CDH22: variants seen among roughly 807,000 people sequenced by gnomAD.
CDH22 encodes the protein cadherin 22, also known as cadherin-22.
A neutral mutation model predicts 58.4 loss-of-function variants in CDH22; 30 were observed. The observed-to-expected ratio is 0.51, with a 90% CI of 0.38 to 0.70. CDH22 has a LOEUF of 0.70. Ranked by LOEUF, CDH22 falls within the 30% of genes least tolerant of loss-of-function variation. CDH22 has a pLI of 0.00. For missense variants in CDH22, 1,014 were observed against 1,233.9 expected (o/e 0.82, Z 2.67); for synonymous variants, 513 against 558.2 (o/e 0.92, Z 1.14).
At chr20:46,255,065 A>C (rs1016326372) in intron 1 of CDH22, among the ~76,000 whole-genome samples, 1 of 152,192 alleles carries the variant, frequency 6.6e-6, no homozygotes, top group Non-Finnish European at 1.5e-5. Context: ...TCTGTCACCC[A>C]GGCTGGAGTG....
In CDH22 at chr20:46,301,520, T is replaced by C. The variant is rs532531010; in HGVS notation, c.-400+6735A>G. Among the ~76,000 whole-genome samples, 3 of 151,650 alleles carry C rather than the reference T, an allele frequency of 2.0e-5. No individual in the cohort carries two copies. The South Asian group carries it at 6.2e-4, about 32-fold the overall frequency. The stretch of plus-strand genomic sequence containing the variant: ...TATTAAAAAAATATATATATATATG[T>C]ATATATATGGCTGGGTGCGGTGGCT... On this transcript the variant is annotated intron_variant, in intron 1 of 11. Coordinates refer to ENST00000537909, the MANE Select transcript of CDH22 (RefSeq NM_021248.3).
At chr20:46,250,946 A>C (rs866220523) in intron 2 of CDH22, 94 bp downstream of exon 2, 1 of 781,274 alleles carries the variant, frequency 1.3e-6, no homozygotes, top group Non-Finnish European at 2.2e-6. Context: ...TGAAACATGG[A>C]TTTAAAAGGG....
intron 3 of CDH22, among the ~76,000 whole-genome samples, chr20:46,237,010 T>C (rs2086258239): frequency 6.6e-6 from 1 of 152,206 alleles, no homozygotes; most frequent in Non-Finnish European, 1.5e-5. Context: ...TATTTTTAAT[T>C]ATTTATTTGG....
chr20:46,212,952 C>A (rs924279959), intron 6 of CDH22, 43 bp downstream of exon 6: 4 of 1,558,164 alleles, frequency 2.6e-6, no homozygotes, highest in Non-Finnish European at 3.5e-6. Context: ...GATCCTCCCA[C>A]CCCTGAGGCC....
chr20:46,273,758 G>A (rs1273585382), intron 1 of CDH22, among the ~76,000 whole-genome samples: 1 of 152,336 alleles, frequency 6.6e-6, no homozygotes, highest in Admixed American at 6.5e-5. Context: ...TGAGCCACCG[G>A]GTTGTGAAAG....
intron 11 of CDH22, among the ~76,000 whole-genome samples, chr20:46,176,906 T>A (rs1286314480): frequency 6.6e-6 from 1 of 152,232 alleles, no homozygotes; most frequent in East Asian, 1.9e-4. Context: ...TTTAGAGCAC[T>A]GATGTGCACT....
intron 1 of CDH22, among the ~76,000 whole-genome samples, chr20:46,276,105 C>G (rs1024508055): frequency 6.6e-6 from 1 of 152,260 alleles, no homozygotes; most frequent in South Asian, 2.1e-4. Context: ...GAGGTGGTTG[C>G]TGGTGCCAGG....
Position 46,263,918 on chromosome 20 carries a change from G to A in CDH22, c.-399-12225C>T, listed in dbSNP as rs552981229. 9.8e-5 allele frequency among the ~76,000 whole-genome samples: 15 copies of A among 152,310 alleles called. No individual in the cohort carries two copies. In the South Asian group the frequency reaches 2.7e-3, roughly 27 times the overall value. ...GGCTGGAACTGGGGACCCGTGAGAA[G>A]GTGGTGGCAGCATCTGAGGAAGAGG... On this transcript the variant is annotated intron_variant, in intron 1 of 11. Transcript: ENST00000537909.
intron 1 of CDH22, among the ~76,000 whole-genome samples, chr20:46,304,538 A>C (rs2086666108): frequency 6.6e-6 from 1 of 152,238 alleles, no homozygotes; most frequent in South Asian, 2.1e-4. Context: ...TATGCACAGG[A>C]AAGAGCTGGT....
intron 1 of CDH22, among the ~76,000 whole-genome samples, chr20:46,299,217 C>T (rs949563931): frequency 2.0e-5 from 3 of 152,178 alleles, no homozygotes; most frequent in African/African-American, 4.8e-5. Flanking sequence ...CAGCTGACAC[C>T]GAAGCCTTTG....
chr20:46,260,993 A>T (rs531349142), intron 1 of CDH22, among the ~76,000 whole-genome samples: 1 of 152,164 alleles, frequency 6.6e-6, no homozygotes, highest in South Asian at 2.1e-4. Context: ...TCCTCCCCCA[A>T]ATTCCTGATA....
rs750654512 is a variant in CDH22, at chr20:46,216,949, C to G, written c.715G>C (p.Glu239Gln). Residue 239 changes from glutamate (E) to glutamine (Q), a missense_variant, in exon 5 of 12, where the codon GAG becomes CAG. Glu to Gln is a conservative substitution (Grantham distance 29). Coordinates refer to ENST00000537909, the MANE Select transcript of CDH22 (RefSeq NM_021248.3). The surrounding 1 kb of genome is among the most constrained non-coding windows in gnomAD (Gnocchi z 5.3). ...AVPDLDRESQERYEVVIQATD... is the reference protein window; with the variant it reads ...AVPDLDRESQQRYEVVIQATD... Reference sequence around the variant, plus strand: ...GCCTGGATCACCACCTCGTAGCGCTCCTGGCTCTCGCGGTCAAGGTCAGGC... The same window carrying G: ...GCCTGGATCACCACCTCGTAGCGCTGCTGGCTCTCGCGGTCAAGGTCAGGC... 6.2e-7 allele frequency: 1 copy of G among 1,606,128 alleles called. No homozygotes were observed. Among genetic ancestry groups the G allele is most frequent in the Non-Finnish European group, 8.5e-7 (1 of 1,173,762 alleles).
Position 46,300,217 on chromosome 20 carries a change from G to T in CDH22, c.-400+8038C>A, listed in dbSNP as rs185819731. Among the ~76,000 whole-genome samples, 9 of 152,180 alleles carry T rather than the reference G, an allele frequency of 5.9e-5. No homozygotes were observed. The East Asian group carries it at 1.7e-3, about 29-fold the overall frequency. On this transcript the variant is annotated intron_variant, in intron 1 of 11. Transcript: ENST00000537909. This position sits in a 1 kb window ranked among gnomAD's most constrained non-coding sequence, Gnocchi z 4.4. ...AAGACGCAGGCCTTGGCAACCTCCT[G>T]GCCTGGGGGGTGGGCTGCCTCTCCC...
chr20:46,192,324 C>G (rs1005800518), intron 8 of CDH22, among the ~76,000 whole-genome samples: 1 of 152,162 alleles, frequency 6.6e-6, no homozygotes, highest in African/African-American at 2.4e-5. Context: ...GGGGGAGAAA[C>G]TGAGACCTTC....
At chr20:46,273,745 A>C (rs2086503876) in intron 1 of CDH22, among the ~76,000 whole-genome samples, 1 of 152,246 alleles carries the variant, frequency 6.6e-6, no homozygotes, top group Non-Finnish European at 1.5e-5. Context: ...GCATCTTGGC[A>C]GATGAGCCAC....
intron 10 of CDH22, among the ~76,000 whole-genome samples, chr20:46,179,208 C>CT (rs1388739025): frequency 6.6e-6 from 1 of 152,244 alleles, no homozygotes; most frequent in Admixed American, 6.5e-5. Flanking sequence ...CCGAAGGCTG[C>CT]TGCCCCTCCC....
chr20:46,190,212 T>A lies in CDH22; in HGVS notation c.1424-3265A>T, dbSNP rs367907743. Among the ~76,000 whole-genome samples the A allele has an allele frequency of 6.6e-5, 10 of 152,368 alleles. No homozygotes were observed. The South Asian group carries it at 1.2e-3, about 19-fold the overall frequency. ...TTCCAATTCATAACACTCTCTCTTA[T>A]TATGACCTCGTGTCATCCTTGAAAT... On this transcript the variant is annotated intron_variant, in intron 8 of 11. Coordinates refer to ENST00000537909, the MANE Select transcript of CDH22 (RefSeq NM_021248.3).
At chr20:46,263,767 G>A (rs2086445614) in intron 1 of CDH22, among the ~76,000 whole-genome samples, 1 of 152,158 alleles carries the variant, frequency 6.6e-6, no homozygotes. Flanking sequence ...GACGGGCCTG[G>A]AGGAGTTGAG....
intron 1 of CDH22, among the ~76,000 whole-genome samples, chr20:46,274,827 C>CAAAA (rs3091883): frequency 7.1e-6 from 1 of 140,410 alleles, no homozygotes; most frequent in Non-Finnish European, 1.5e-5. Context: ...GAGCCAGATG[C>CAAAA]AAAAAAAAAA....
Sources: allele counts gnomAD v4.1 joint callset (sites outside exome capture counted in the v4.1 genomes callset), GRCh38; gene constraint gnomAD v4.1.1; non-coding constraint Gnocchi (gnomAD v3.1); transcripts MANE v1.5; gene names NCBI Gene and HGNC (gene_info 2026-07-23, HGNC 2026-07-21).